LRRK2: variants seen among roughly 807,000 people sequenced by gnomAD.
LRRK2 encodes leucine-rich repeat serine/threonine-protein kinase 2.
In LRRK2, 203 loss-of-function variants were observed where a neutral mutation model predicts 302.6. The observed-to-expected ratio is 0.67, with a 90% confidence interval of 0.60 to 0.75. The LOEUF is 0.75. Ranked by LOEUF, LRRK2 falls within the 30% of genes least tolerant of loss-of-function variation. LRRK2 has a pLI of 0.00. For synonymous variants in LRRK2, 1,066 were observed against 1,031.9 expected (o/e 1.03, Z -0.63); for missense variants, 2,830 against 2,951.0 (o/e 0.96, Z 0.95).
intron 19 of LRRK2, among the ~76,000 whole-genome samples, chr12:40,285,223 C>G (rs78107373): frequency 2.2e-3 from 336 of 152,254 alleles, no homozygotes; most frequent in African/African-American, 7.8e-3. Context: ...GACCCTATAG[C>G]ACTTTATTTC....
intron 20 of LRRK2, among the ~76,000 whole-genome samples, chr12:40,292,752 A>T (rs535642555): frequency 6.6e-6 from 1 of 151,926 alleles, no homozygotes; most frequent in Admixed American, 6.6e-5. Flanking sequence ...GATAAAGAGT[A>T]GGGGAATTTA....
chr12:40,285,306 T>TTA (rs143262651), intron 19 of LRRK2, among the ~76,000 whole-genome samples: 3,118 of 152,252 alleles, frequency 0.02, 108 homozygotes, highest in African/African-American at 0.069. Context: ...TGGTAAATTG[T>TTA]TAGTACCATG....
At chr12:40,258,759 A>T (rs960960536) in intron 12 of LRRK2, among the ~76,000 whole-genome samples, 2 of 152,290 alleles carry the variant, frequency 1.3e-5, no homozygotes, top group Admixed American at 6.5e-5. Context: ...CAATGGAGGG[A>T]TGTGTTTAAA....
At chr12:40,280,455 T>G (rs561912569) in intron 18 of LRRK2, among the ~76,000 whole-genome samples, 1 of 151,258 alleles carries the variant, frequency 6.6e-6, no homozygotes. Flanking sequence ...TAGACCCCCA[T>G]GTCTACAAAA....
intron 14 of LRRK2, among the ~76,000 whole-genome samples, chr12:40,273,032 T>A (rs943897154): frequency 6.6e-6 from 1 of 152,194 alleles, no homozygotes; most frequent in Non-Finnish European, 1.5e-5. Flanking sequence ...TCAAGGTTTA[T>A]TCCATGGACA....
chr12:40,353,393 G>A (rs1303762466), intron 44 of LRRK2, among the ~76,000 whole-genome samples: 5 of 151,668 alleles, frequency 3.3e-5, no homozygotes, highest in African/African-American at 1.2e-4. Context: ...CGGGGCGGCA[G>A]GGCAGAGGCG....
chr12:40,335,259 C>T, intron 40 of LRRK2, 102 bp downstream of exon 40: 2 of 1,241,112 alleles, frequency 1.6e-6, no homozygotes, highest in Non-Finnish European at 1.2e-6. Flanking sequence ...GCCCCAGTAA[C>T]AATTTATAAA....
At chr12:40,363,062 A>G (rs1946761819) in intron 47 of LRRK2, among the ~76,000 whole-genome samples, 1 of 152,102 alleles carries the variant, frequency 6.6e-6, no homozygotes, top group Non-Finnish European at 1.5e-5. Context: ...AGTTACAGAT[A>G]TAATATTTCC....
intron 34 of LRRK2, 141 bp from the exon 35 acceptor site, chr12:40,320,893 A>G: frequency 1.9e-6 from 2 of 1,047,090 alleles, no homozygotes; most frequent in Admixed American, 1.9e-5. Flanking sequence ...TGTAGGAAAA[A>G]TATGTAGTGA....
rs1272004694 is a variant in LRRK2 at position 40,299,181 on chromosome 12, C to T, written c.3420C>T (p.His1140=). The change falls in exon 25 of 51, where the codon CAC becomes CAT. Residue 1140 remains histidine (H), a synonymous_variant. Transcript: ENST00000298910. ...AGATTTTAAACCTTAGTAAGAACCA[C>T]ATTTCATCCCTATCAGAGAACTTTC... is the stretch of plus-strand genomic sequence containing the variant. The part of the protein sequence containing the change: ...ELKILNLSKN[H]ISSLSENFLE... 2 of 1,613,524 alleles carry T rather than the reference C, an allele frequency of 1.2e-6. No homozygotes were observed. Among genetic ancestry groups the T allele is most frequent in the East Asian group, 2.2e-5 (1 of 44,798 alleles).
intron 14 of LRRK2, among the ~76,000 whole-genome samples, chr12:40,269,918 T>C (rs1053708094): frequency 2.0e-5 from 3 of 152,160 alleles, no homozygotes; most frequent in Non-Finnish European, 4.4e-5. Context: ...GCTTTAGCTA[T>C]ATAAAATTTT....
intron 33 of LRRK2, among the ~76,000 whole-genome samples, chr12:40,318,862 A>G (rs537782472): frequency 6.6e-6 from 1 of 152,120 alleles, no homozygotes; most frequent in Non-Finnish European, 1.5e-5. Flanking sequence ...GAAGTCTTAA[A>G]CAACAGTTTT....
chr12:40,235,744 T>G (rs1189366643), intron 4 of LRRK2, 30 bp downstream of exon 4: 2 of 1,360,100 alleles, frequency 1.5e-6, no homozygotes, highest in East Asian at 2.3e-5. Context: ...TTTGTGTTGA[T>G]TCAAATTAAA....
chr12:40,325,224 T>C (rs1592290156), intron 38 of LRRK2, among the ~76,000 whole-genome samples: 1 of 152,066 alleles, frequency 6.6e-6, no homozygotes, highest in Admixed American at 6.6e-5. Flanking sequence ...GAGGCGGAGG[T>C]TGCAGTGAGC....
chr12:40,231,729 A>C (rs1288921928), intron 2 of LRRK2, among the ~76,000 whole-genome samples: 1 of 147,562 alleles, frequency 6.8e-6, no homozygotes, highest in Non-Finnish European at 1.5e-5. Flanking sequence ...GTTCTTCATA[A>C]TTTAGAAATT....
intron 14 of LRRK2, among the ~76,000 whole-genome samples, chr12:40,270,052 G>T (rs1441455621): frequency 6.6e-6 from 1 of 152,086 alleles, no homozygotes; most frequent in Non-Finnish European, 1.5e-5. Flanking sequence ...ATAAAATGGA[G>T]ATAATAACTG....
In LRRK2 at chr12:40,274,972, T is replaced by C; in HGVS notation, c.1920T>C (p.Asp640=). 2 of 1,613,982 alleles carry C rather than the reference T, an allele frequency of 1.2e-6. No homozygotes were observed. Among genetic ancestry groups the C allele is most frequent in the South Asian group, 1.1e-5 (1 of 91,082 alleles). Residue 640 remains aspartate, a synonymous_variant, in exon 16 of 51, where the codon GAT becomes GAC. Coordinates refer to ENST00000298910, the MANE Select transcript of LRRK2 (RefSeq NM_198578.4). ...TTTCCAGCTTATACCGATTTAAGGATGTTGCTGAAATACAGACTAAAGTAT... is the reference window on the plus strand; with the variant it reads ...TTTCCAGCTTATACCGATTTAAGGACGTTGCTGAAATACAGACTAAAGTAT... ...ILVSSLYRFK[D]VAEIQTKGFQ...
intron 19 of LRRK2, among the ~76,000 whole-genome samples, chr12:40,284,693 A>G (rs1186100541): frequency 6.6e-6 from 1 of 152,028 alleles, no homozygotes; most frequent in African/African-American, 2.4e-5. Context: ...CCATCTTCTG[A>G]CACTATTTTT....
rs184454135 is a variant in LRRK2 at position 40,356,254 on chromosome 12, C to A, written c.6843+67C>A. The A allele has an allele frequency of 3.3e-5, 36 of 1,099,594 alleles. No homozygotes were observed. In the Admixed American group the frequency reaches 3.9e-4, roughly 12 times the overall value. 68.1% of individuals were successfully genotyped at this position (1,099,594 alleles called of 1,614,324 possible). ...CTTTTGTTTTATATATATCTCACAC[C>A]CCTCTTATGGGATTATAAACTCCCT... On this transcript the variant is annotated intron_variant, in intron 46 of 50. Transcript: ENST00000298910.
Sources: allele counts gnomAD v4.1 joint callset (sites outside exome capture counted in the v4.1 genomes callset), GRCh38; gene constraint gnomAD v4.1.1; transcripts MANE v1.5; gene names NCBI Gene and HGNC (gene_info 2026-07-23, HGNC 2026-07-21).